The following ARHGEF10L variants were observed in gnomAD, a reference collection of about 807,000 sequenced individuals.
The protein encoded by ARHGEF10L is Rho guanine nucleotide exchange factor 10 like, also known as rho guanine nucleotide exchange factor 10-like protein.
A neutral mutation model predicts 141.2 loss-of-function variants in ARHGEF10L; 69 were observed. That is an observed-to-expected ratio of 0.49 (90% confidence interval 0.40 to 0.60). The LOEUF is 0.60. Among genes scored for constraint, ARHGEF10L ranks in the 20% least tolerant of loss-of-function variants. The pLI is 0.00. For synonymous variants in ARHGEF10L, 711 were observed against 718.5 expected (o/e 0.99, Z 0.17); for missense variants, 1,482 against 1,734.3 (o/e 0.85, Z 2.58).
intron 1 of ARHGEF10L, among the ~76,000 whole-genome samples, chr1:17,550,331 T>G (rs1264628140): frequency 6.6e-6 from 1 of 152,092 alleles, no homozygotes; most frequent in Non-Finnish European, 1.5e-5. Context: ...AGGTTCACAT[T>G]GAAAGGCTGG....
At chr1:17,630,594 A>G (rs1440639818) in intron 15 of ARHGEF10L, among the ~76,000 whole-genome samples, 2 of 152,222 alleles carry the variant, frequency 1.3e-5, no homozygotes, top group African/African-American at 2.4e-5. Flanking sequence ...TAGCTGCTCA[A>G]TGCAGGGAAT....
At position 17,625,319 on chromosome 1, in the gene ARHGEF10L, T is replaced by C. The variant is rs2060322139; in HGVS notation, c.1318-637T>C. Among the ~76,000 whole-genome samples, 1 of 152,282 alleles carries C rather than the reference T, an allele frequency of 6.6e-6. No homozygotes were observed. The highest frequency in any genetic ancestry group is 3.4e-3 in the Middle Eastern group (1 of 294). On this transcript the variant is annotated intron_variant, in intron 13 of 28. Transcript: ENST00000361221. This position sits in a 1 kb window ranked among gnomAD's most constrained non-coding sequence, Gnocchi z 4.5. ...TGGATTCTGGGAGCACTGATGCCTG[T>C]TGGGGAGTCCCAGGAGAGAAGGCCT...
intron 25 of ARHGEF10L, among the ~76,000 whole-genome samples, chr1:17,661,861 A>G (rs928243070): frequency 6.6e-6 from 1 of 152,152 alleles, no homozygotes; most frequent in Non-Finnish European, 1.5e-5. Context: ...CCTCCTGGAC[A>G]CCAGGCCCAG....
In ARHGEF10L at chr1:17,673,367, G is replaced by A. The variant is rs945645694; in HGVS notation, c.3009+8772G>A. 6.6e-6 allele frequency among the ~76,000 whole-genome samples: 1 copy of A among 152,134 alleles called. No homozygotes were observed. The highest frequency in any genetic ancestry group is 1.5e-5 in the Non-Finnish European group (1 of 68,012). ...GGAGAGGGGGAGGGCAGATGCCCAAGGGGCAGCTGCCCAGTCCTTTTGGAA... is the reference window on the plus strand; with the variant it reads ...GGAGAGGGGGAGGGCAGATGCCCAAAGGGCAGCTGCCCAGTCCTTTTGGAA... On this transcript the variant is annotated intron_variant, in intron 26 of 28. Transcript: ENST00000361221. The surrounding 1 kb of genome is among the most constrained non-coding windows in gnomAD (Gnocchi z 4.1).
Position 17,670,067 on chromosome 1 carries a change from T to A in ARHGEF10L, c.3009+5472T>A, listed in dbSNP as rs138076116. On this transcript the variant is annotated intron_variant, in intron 26 of 28. Transcript: ENST00000361221. ...TGTGACTATGAAGGAAGAGGGGAAGTGATGTTCTGGCCAGAAGAAAGCACC... is the reference window on the plus strand; with the variant it reads ...TGTGACTATGAAGGAAGAGGGGAAGAGATGTTCTGGCCAGAAGAAAGCACC... Among the ~76,000 whole-genome samples, 910 of 152,110 alleles carry A rather than the reference T, an allele frequency of 6.0e-3. 5 individuals carry two copies. The highest frequency in any genetic ancestry group is 0.01 in the Non-Finnish European group (684 of 67,976).
chr1:17,522,077 C>T, the ARHGEF10L span, among the ~76,000 whole-genome samples: 13 of 152,174 alleles, frequency 8.5e-5, no homozygotes, highest in Non-Finnish European at 1.8e-4. Flanking sequence ...CCAGGATCTT[C>T]GATACCACTG....
intron 26 of ARHGEF10L, among the ~76,000 whole-genome samples, chr1:17,686,059 GTTTGT>G (rs1442319067): frequency 6.6e-6 from 1 of 150,444 alleles, no homozygotes; most frequent in Non-Finnish European, 1.5e-5. Flanking sequence ...CTTTTGGTGT[GTTTGT>G]TTTGTTTTGT....
intron 26 of ARHGEF10L, among the ~76,000 whole-genome samples, chr1:17,686,318 C>G (rs1366995675): frequency 6.6e-6 from 1 of 152,192 alleles, no homozygotes; most frequent in Non-Finnish European, 1.5e-5. Context: ...AAGTGTCCAT[C>G]CATTCATTTT....
At chr1:17,580,266 G>A (rs1461984577) in intron 1 of ARHGEF10L, among the ~76,000 whole-genome samples, 1 of 152,242 alleles carries the variant, frequency 6.6e-6, no homozygotes, top group Non-Finnish European at 1.5e-5. Context: ...GTAAGCCAGA[G>A]GGGATGAGGA....
In ARHGEF10L at chr1:17,623,238, G is replaced by T; in HGVS notation, c.1200+63G>T. 6.4e-7 allele frequency: 1 copy of T among 1,560,440 alleles called. No homozygotes were observed. Among genetic ancestry groups the T allele is most frequent in the East Asian group, 2.2e-5 (1 of 44,568 alleles). The stretch of plus-strand genomic sequence containing the variant: ...TAAAACCACAACCAGTCTGACCCCG[G>T]GGCCATGCAGTCCAGCCTCCTGCCT... On this transcript the variant is annotated intron_variant, in intron 12 of 28. Transcript: ENST00000361221. The surrounding 1 kb of genome is among the most constrained non-coding windows in gnomAD (Gnocchi z 4.7).
chr1:17,664,404 TG>T (rs1306948048), intron 25 of ARHGEF10L, 42 bp from the exon 26 acceptor site: 3 of 1,584,562 alleles, frequency 1.9e-6, no homozygotes, highest in Non-Finnish European at 2.6e-6. Flanking sequence ...GAGACCTGCT[TG>T]CCGCTCCTGG....
intron 21 of ARHGEF10L, among the ~76,000 whole-genome samples, chr1:17,641,319 A>C (rs2061316728): frequency 6.6e-6 from 1 of 152,122 alleles, no homozygotes; most frequent in Non-Finnish European, 1.5e-5. Context: ...AGAAGCTTAC[A>C]TTTTCAATAG....
rs532650563 is a variant in ARHGEF10L at position 17,653,012 on chromosome 1, T to C, written c.2395-1624T>C. ...TGCCCTCATAGCCTTGCTCTGATGA[T>C]GAAATGAGCTAAGGTGTGTGAAGTG... On this transcript the variant is annotated intron_variant, in intron 22 of 28. Coordinates refer to ENST00000361221, the MANE Select transcript of ARHGEF10L (RefSeq NM_018125.4). Among the ~76,000 whole-genome samples the C allele has an allele frequency of 2.1e-4, 32 of 152,284 alleles. No homozygotes were observed. In the East Asian group the frequency reaches 2.3e-3, roughly 11 times the overall value.
At chr1:17,562,834 GT>G (rs2077595640) in intron 1 of ARHGEF10L, among the ~76,000 whole-genome samples, 1 of 152,322 alleles carries the variant, frequency 6.6e-6, no homozygotes, top group African/African-American at 2.4e-5. Flanking sequence ...CCCAAGAGGT[GT>G]TTGTTGAACT....
At chr1:17,696,784 T>A in intron 28 of ARHGEF10L, 64 bp from the exon 29 acceptor site, 1 of 1,438,466 alleles carries the variant, frequency 7.0e-7, no homozygotes, top group African/African-American at 1.4e-5. Flanking sequence ...GGAGAGAGAC[T>A]CAGGTGCTTC....
intron 9 of ARHGEF10L, chr1:17,618,256 C>CACCCCCCCCCCCCCCCCA: frequency 1.5e-6 from 2 of 1,371,146 alleles, no homozygotes; most frequent in East Asian, 3.0e-5. Context: ...CTCCTCAGCC[C>CACCCCCCCCCCCCCCCCA]TCCCCACCCC....
chr1:17,553,311 T>C (rs2077184427), intron 1 of ARHGEF10L, among the ~76,000 whole-genome samples: 2 of 152,208 alleles, frequency 1.3e-5, no homozygotes, highest in South Asian at 4.1e-4. Context: ...GATGGGTAGA[T>C]TGAGAATCTA....
the ARHGEF10L span, among the ~76,000 whole-genome samples, chr1:17,516,533 T>TCTG: frequency 2.0e-5 from 3 of 152,058 alleles, no homozygotes; most frequent in African/African-American, 4.8e-5. Flanking sequence ...TCCCCTGACC[T>TCTG]CTGCTGCTGC....
chr1:17,651,155 A>G (rs2061907291), intron 22 of ARHGEF10L, among the ~76,000 whole-genome samples: 1 of 152,166 alleles, frequency 6.6e-6, no homozygotes, highest in South Asian at 2.1e-4. Flanking sequence ...CTATATATAT[A>G]CATTTTTGTG....
Sources: allele counts gnomAD v4.1 joint callset (sites outside exome capture counted in the v4.1 genomes callset), GRCh38; gene constraint gnomAD v4.1.1; non-coding constraint Gnocchi (gnomAD v3.1); transcripts MANE v1.5; gene names NCBI Gene and HGNC (gene_info 2026-07-23, HGNC 2026-07-21).